The following COL19A1 variants were observed in gnomAD, a reference collection of about 807,000 sequenced individuals.
The protein encoded by COL19A1 is collagen type XIX alpha 1 chain.
In COL19A1, 159 loss-of-function variants were observed where a neutral mutation model predicts 190.2. The observed-to-expected ratio is 0.84, with a 90% CI of 0.73 to 0.95. COL19A1 has a LOEUF of 0.95. COL19A1 is among the 40% of genes least tolerant of loss of function. COL19A1 has a pLI of 0.00. For synonymous variants in COL19A1, 509 were observed against 458.9 expected (o/e 1.11, Z -1.39); for missense variants, 1,418 against 1,431.9 (o/e 0.99, Z 0.16).
chr6:70,180,592 A>T, intron 44 of COL19A1, 69 bp downstream of exon 44: 1 of 1,498,754 alleles, frequency 6.7e-7, no homozygotes, highest in Non-Finnish European at 9.3e-7. Context: ...CTCATCTACC[A>T]CCTCAGAAAT....
At chr6:70,046,052 G>T (rs1360492246) in intron 14 of COL19A1, among the ~76,000 whole-genome samples, 1 of 152,166 alleles carries the variant, frequency 6.6e-6, no homozygotes, top group Non-Finnish European at 1.5e-5. Flanking sequence ...CATCCTGGAA[G>T]CCCATTTTTG....
At chr6:70,151,828 G>A (rs1325638269) in intron 31 of COL19A1, among the ~76,000 whole-genome samples, 2 of 151,950 alleles carry the variant, frequency 1.3e-5, no homozygotes, top group African/African-American at 2.4e-5. Context: ...AATCTTTCTC[G>A]CTATATCTGG....
chr6:69,927,584 A>G (rs966237948), intron 4 of COL19A1, among the ~76,000 whole-genome samples: 1 of 152,302 alleles, frequency 6.6e-6, no homozygotes, highest in African/African-American at 2.4e-5. Context: ...TAACAAAATC[A>G]AGTCATACCA....
At chr6:69,918,263 A>G (rs1012169415) in intron 4 of COL19A1, among the ~76,000 whole-genome samples, 2 of 152,194 alleles carry the variant, frequency 1.3e-5, no homozygotes, top group African/African-American at 4.8e-5. Context: ...TGTGCAGGCC[A>G]GACTGTAAGG....
intron 5 of COL19A1, among the ~76,000 whole-genome samples, chr6:69,928,777 G>A (rs1339976616): frequency 6.6e-6 from 1 of 152,092 alleles, no homozygotes; most frequent in Non-Finnish European, 1.5e-5. Context: ...GAGGGGAGAG[G>A]AACCTCAAAA....
chr6:69,985,607 C>T (rs956815329), intron 11 of COL19A1, among the ~76,000 whole-genome samples: 7 of 151,964 alleles, frequency 4.6e-5, no homozygotes, highest in Non-Finnish European at 8.8e-5. Flanking sequence ...ACAGCCAGGA[C>T]CCTGGAACCT....
At chr6:70,060,032 T>C (rs1387771157) in intron 14 of COL19A1, among the ~76,000 whole-genome samples, 1 of 152,178 alleles carries the variant, frequency 6.6e-6, no homozygotes, top group African/African-American at 2.4e-5. Context: ...TATCAGGTTT[T>C]GGTCAAAAAT....
At chr6:69,881,585 T>A (rs533374928) in intron 2 of COL19A1, among the ~76,000 whole-genome samples, 1 of 152,246 alleles carries the variant, frequency 6.6e-6, no homozygotes, top group East Asian at 1.9e-4. Context: ...ACATGATGTA[T>A]AGGACTACCA....
chr6:70,132,018 G>T (rs886143775), intron 18 of COL19A1, among the ~76,000 whole-genome samples: 2 of 152,078 alleles, frequency 1.3e-5, no homozygotes, highest in African/African-American at 4.8e-5. Flanking sequence ...AGTCTACAGG[G>T]AACTTGATGC....
intron 11 of COL19A1, among the ~76,000 whole-genome samples, chr6:69,993,480 T>A (rs774442707): frequency 1.3e-5 from 2 of 152,124 alleles, no homozygotes; most frequent in Non-Finnish European, 2.9e-5. Context: ...ATAGGATGAG[T>A]TAGGGAGGGG....
chr6:70,037,357 T>C (rs1186258517), intron 14 of COL19A1, among the ~76,000 whole-genome samples: 2 of 152,112 alleles, frequency 1.3e-5, no homozygotes, highest in African/African-American at 4.8e-5. Flanking sequence ...GTTTTCACCA[T>C]ATTGATCAGG....
intron 15 of COL19A1, among the ~76,000 whole-genome samples, chr6:70,081,162 G>T (rs1782224087): frequency 6.6e-6 from 1 of 151,984 alleles, no homozygotes; most frequent in African/African-American, 2.4e-5. Context: ...CCGAAAAAAT[G>T]GAATAGATGA....
rs151040381 is a variant in COL19A1, at chr6:70,156,494, GGAGAGAGAGA to G, written c.2238+136_2238+145del. On this transcript the variant is annotated intron_variant, in intron 33 of 50. Coordinates refer to ENST00000620364, the MANE Select transcript of COL19A1 (RefSeq NM_001858.6). ...TATATATATATGTATGTATGTATAT[GGAGAGAGAGA>G]GAGAGAGAGAAAGTGATGTAAAAGT... The G allele has an allele frequency of 3.8e-5, 32 of 851,608 alleles. No individual in the cohort carries two copies. The South Asian group carries it at 5.5e-4, about 15-fold the overall frequency. 52.8% of individuals were successfully genotyped at this position (851,608 alleles called of 1,614,324 possible). A position where few individuals can be genotyped will look rare whatever the true frequency, so the allele number is the denominator to read the frequency against.
At chr6:70,157,880 G>A (rs1787542562) in intron 34 of COL19A1, among the ~76,000 whole-genome samples, 1 of 152,044 alleles carries the variant, frequency 6.6e-6, no homozygotes. Flanking sequence ...TGGAATTCAG[G>A]TTTTGTATAA....
rs1462409274 is a variant in COL19A1 at position 70,161,886 on chromosome 6, A to G, written c.2293-14A>G. 6.2e-7 allele frequency: 1 copy of G among 1,601,952 alleles called. No homozygotes were observed. Among genetic ancestry groups the G allele is most frequent in the South Asian group, 1.1e-5 (1 of 88,922 alleles). ...TGATATAACAGATTTTATGATGGGA[A>G]CTATCTTTTCCAGGGTCTTCAAGGA... On this transcript the variant is annotated splice_polypyrimidine_tract_variant and intron_variant, in intron 34 of 50. Transcript: ENST00000620364.
At chr6:70,018,839 G>C (rs1778261990) in intron 11 of COL19A1, among the ~76,000 whole-genome samples, 1 of 152,118 alleles carries the variant, frequency 6.6e-6, no homozygotes, top group African/African-American at 2.4e-5. Flanking sequence ...ACAGAAAGCT[G>C]ACACATTAAT....
chr6:69,945,938 G>C (rs969668984), intron 9 of COL19A1, among the ~76,000 whole-genome samples: 1 of 151,916 alleles, frequency 6.6e-6, no homozygotes, highest in African/African-American at 2.4e-5. Context: ...TGCTTTTAAG[G>C]AAGCCATAGA....
intron 31 of COL19A1, among the ~76,000 whole-genome samples, chr6:70,153,281 A>G (rs1787191083): frequency 6.6e-6 from 1 of 152,108 alleles, no homozygotes; most frequent in African/African-American, 2.4e-5. Context: ...CAATTTGATC[A>G]TCCTGCTTTC....
At chr6:70,062,830 C>T (rs1487657064) in intron 14 of COL19A1, among the ~76,000 whole-genome samples, 11 of 152,016 alleles carry the variant, frequency 7.2e-5, no homozygotes, top group Admixed American at 5.2e-4. Flanking sequence ...GGGTTGCAAT[C>T]CTAGTCTCTG....
Sources: allele counts gnomAD v4.1 joint callset (sites outside exome capture counted in the v4.1 genomes callset), GRCh38; gene constraint gnomAD v4.1.1; transcripts MANE v1.5; gene names NCBI Gene and HGNC (gene_info 2026-07-23, HGNC 2026-07-21).